SERPINA6: variants seen among roughly 807,000 people sequenced by gnomAD.
SERPINA6 encodes the protein serpin family A member 6.
SERPINA6 carries 19 observed loss-of-function variants against 26.4 expected under a neutral mutation model. The observed-to-expected ratio is 0.72, with a 90% CI of 0.50 to 1.06. The LOEUF (loss-of-function observed/expected upper bound fraction) is 1.06, where lower values mean the gene tolerates loss of function less well. Among genes scored for constraint, SERPINA6 ranks in the 50% least tolerant of loss-of-function variants. The pLI is 0.00. For missense variants in SERPINA6, 473 were observed against 504.0 expected (o/e 0.94, Z 0.59); for synonymous variants, 196 against 199.4 (o/e 0.98, Z 0.14).
At chr14:94,314,699 T>C (rs2139723652) in intron 1 of SERPINA6, 32 bp from the exon 2 acceptor site, 2 of 1,600,008 alleles carry the variant, frequency 1.2e-6, no homozygotes, top group East Asian at 2.2e-5. Flanking sequence ...TTAGATGCTG[T>C]GGCAGTCTCT....
chr14:94,307,648 G>A (rs541837127), intron 3 of SERPINA6, among the ~76,000 whole-genome samples: 8 of 152,324 alleles, frequency 5.3e-5, no homozygotes, highest in African/African-American at 1.9e-4. Context: ...GGGTAGAAAG[G>A]AGGAAGAGAT....
chr14:94,318,065 T>C (rs919545514), intron 1 of SERPINA6, among the ~76,000 whole-genome samples: 2 of 152,022 alleles, frequency 1.3e-5, no homozygotes, highest in African/African-American at 4.8e-5. Flanking sequence ...GAAAAGGAAA[T>C]TGAGAAAACA....
intron 1 of SERPINA6, among the ~76,000 whole-genome samples, chr14:94,316,842 A>G (rs1895621489): frequency 6.6e-6 from 1 of 152,206 alleles, no homozygotes; most frequent in South Asian, 2.1e-4. Context: ...ACCAGCCCTG[A>G]ACACTGGGCC....
chr14:94,315,556 G>A (rs1202308122), intron 1 of SERPINA6, among the ~76,000 whole-genome samples: 2 of 151,820 alleles, frequency 1.3e-5, no homozygotes, highest in African/African-American at 2.4e-5. Flanking sequence ...TTACACATTA[G>A]CCTTCTAAAA....
At chr14:94,311,118 A>G (rs1403136952) in intron 2 of SERPINA6, among the ~76,000 whole-genome samples, 2 of 152,220 alleles carry the variant, frequency 1.3e-5, no homozygotes, top group Non-Finnish European at 2.9e-5. Context: ...GAAATCAGCC[A>G]TGGCTGCGGA....
chr14:94,305,479 C>T (rs972467337), intron 4 of SERPINA6, among the ~76,000 whole-genome samples: 3 of 152,216 alleles, frequency 2.0e-5, no homozygotes, highest in African/African-American at 4.8e-5. Flanking sequence ...AATCCACTCA[C>T]ACAGCACGCA....
At chr14:94,312,351 A>T (rs75765375) in intron 2 of SERPINA6, among the ~76,000 whole-genome samples, 1,688 of 152,300 alleles carry the variant, frequency 0.011, 42 homozygotes, top group African/African-American at 0.038. Flanking sequence ...GGCATCTCTC[A>T]GGCTCAGGAG....
intron 3 of SERPINA6, among the ~76,000 whole-genome samples, chr14:94,306,641 G>C (rs1895445604): frequency 6.6e-6 from 1 of 152,198 alleles, no homozygotes; most frequent in Non-Finnish European, 1.5e-5. Context: ...AATGCTGTGT[G>C]GCCTTTGCCA....
chr14:94,322,738 A>G (rs988167427), intron 1 of SERPINA6, among the ~76,000 whole-genome samples: 2 of 152,196 alleles, frequency 1.3e-5, no homozygotes, highest in Non-Finnish European at 2.9e-5. Flanking sequence ...TACAGTGCAG[A>G]CAGTTCTGTT....
At chr14:94,314,814 C>T (rs574360666) in intron 1 of SERPINA6, 147 bp from the exon 2 acceptor site, 33 of 718,184 alleles carry the variant, frequency 4.6e-5, no homozygotes, top group African/African-American at 2.8e-4. Context: ...TCACAGAGGG[C>T]GCTGGACTTC....
intron 2 of SERPINA6, 45 bp from the exon 3 acceptor site, chr14:94,310,051 C>T: frequency 1.9e-6 from 3 of 1,604,504 alleles, no homozygotes; most frequent in Non-Finnish European, 1.7e-6. Context: ...GAGGAAAACA[C>T]AGTTCCAGGT....
At chr14:94,308,368 CCT>C (rs541011929) in intron 3 of SERPINA6, among the ~76,000 whole-genome samples, 207 of 151,728 alleles carry the variant, frequency 1.4e-3, no homozygotes, top group African/African-American at 4.5e-3. Flanking sequence ...CACTCCATCC[CCT>C]GTGCTTAGCT....
At chr14:94,322,033 G>A (rs1432853879) in intron 1 of SERPINA6, among the ~76,000 whole-genome samples, 2 of 152,168 alleles carry the variant, frequency 1.3e-5, no homozygotes, top group Non-Finnish European at 2.9e-5. Context: ...TGGCTTATGT[G>A]ACCTCACTTA....
rs1249892515 is a variant in SERPINA6, at chr14:94,319,140, GACAA to G, written c.-20+4123_-20+4126del. On this transcript the variant is annotated intron_variant, in intron 1 of 4. Transcript: ENST00000341584. ...GTATCCACAGGGATGGCTACTAACA[GACAA>G]ACAAAACAGAAAACAATAAGTTGGC... Among the ~76,000 whole-genome samples the G allele has an allele frequency of 3.9e-5, 6 of 152,136 alleles. No homozygotes were observed. The East Asian group carries it at 1.2e-3, about 29-fold the overall frequency.
At chr14:94,308,829 A>C (rs1357258627) in intron 3 of SERPINA6, among the ~76,000 whole-genome samples, 5 of 152,170 alleles carry the variant, frequency 3.3e-5, no homozygotes, top group African/African-American at 1.2e-4. Flanking sequence ...TCACTCATGC[A>C]TCCATTTACT....
intron 2 of SERPINA6, 66 bp from the exon 3 acceptor site, chr14:94,310,072 G>A (rs2139718750): frequency 6.6e-7 from 1 of 1,525,444 alleles, no homozygotes. Flanking sequence ...GATCTCACGG[G>A]CCTACTATCC....
chr14:94,310,032 T>C, intron 2 of SERPINA6, 26 bp from the exon 3 acceptor site: 1 of 1,613,130 alleles, frequency 6.2e-7, no homozygotes, highest in Non-Finnish European at 8.5e-7. Context: ...GACAGGTCTG[T>C]AGGGCAGAGA....
chr14:94,315,099 C>A (rs1204717280), intron 1 of SERPINA6, among the ~76,000 whole-genome samples: 2 of 152,158 alleles, frequency 1.3e-5, no homozygotes, highest in East Asian at 3.8e-4. Context: ...AAGCTTTTTT[C>A]CACAATACCT....
Position 94,306,126 on chromosome 14 carries a change from G to A in SERPINA6, c.977C>T (p.Thr326Ile). ...GATGCGTGAGAAATTTGCCTGGTTG[G>A]TGAACAAGTCTGCAATGCCCATTTC... ...LEEMGIADLF[T>I]NQANFSRITQ... Residue 326 changes from threonine to isoleucine, a missense_variant, in exon 4 of 5, where the codon ACC (threonine) becomes ATC (isoleucine). Thr to Ile is a moderately conservative substitution (Grantham distance 89). Coordinates refer to ENST00000341584, the MANE Select transcript of SERPINA6 (RefSeq NM_001756.4). 6.2e-7 allele frequency: 1 copy of A among 1,614,212 alleles called. No individual in the cohort carries two copies. Among genetic ancestry groups the A allele is most frequent in the Non-Finnish European group, 8.5e-7 (1 of 1,180,028 alleles).
Sources: allele counts gnomAD v4.1 joint callset (sites outside exome capture counted in the v4.1 genomes callset), GRCh38; gene constraint gnomAD v4.1.1; transcripts MANE v1.5; gene names NCBI Gene and HGNC (gene_info 2026-07-23, HGNC 2026-07-21).